The following CNTNAP2 variants were observed in gnomAD, a reference collection of about 807,000 sequenced individuals.
CNTNAP2 encodes the protein contactin-associated protein-like 2.
A neutral mutation model predicts 155.2 loss-of-function variants in CNTNAP2; 98 were observed. The ratio of observed to expected loss-of-function variants is 0.63; its 90% CI spans 0.54 to 0.75. The LOEUF (loss-of-function observed/expected upper bound fraction) is 0.75, where lower values mean the gene tolerates loss of function less well. Ranked by LOEUF, CNTNAP2 falls within the 30% of genes least tolerant of loss-of-function variation. The probability of loss-of-function intolerance (pLI) is 0.00; values close to 1 mark genes in which losing one functional copy is unlikely to be tolerated. For missense variants in CNTNAP2, 1,727 were observed against 1,688.1 expected (o/e 1.02, Z -0.40); for synonymous variants, 651 against 631.2 (o/e 1.03, Z -0.47).
intron 15 of CNTNAP2, among the ~76,000 whole-genome samples, chr7:148,012,891 G>A (rs1446066920): frequency 6.6e-6 from 1 of 152,172 alleles, no homozygotes; most frequent in African/African-American, 2.4e-5. Context: ...TGTAGGAAAT[G>A]TTGGTGGAGG....
At chr7:147,258,996 G>A (rs2116679640) in intron 8 of CNTNAP2, among the ~76,000 whole-genome samples, 1 of 152,332 alleles carries the variant, frequency 6.6e-6, no homozygotes, top group East Asian at 1.9e-4. Flanking sequence ...TAAAGCAGAT[G>A]GAAGTATGGG....
chr7:147,972,762 C>T (rs1252830686), intron 14 of CNTNAP2, among the ~76,000 whole-genome samples: 2 of 152,054 alleles, frequency 1.3e-5, no homozygotes, highest in Non-Finnish European at 2.9e-5. Context: ...CTGAATATCT[C>T]CCTAAATTAG....
At chr7:147,591,037 C>T (rs1800726377) in intron 12 of CNTNAP2, among the ~76,000 whole-genome samples, 1 of 152,172 alleles carries the variant, frequency 6.6e-6, no homozygotes, top group South Asian at 2.1e-4. Flanking sequence ...CTACTACAGC[C>T]TTGGATTTCC....
intron 10 of CNTNAP2, among the ~76,000 whole-genome samples, chr7:147,475,479 T>A (rs1263983164): frequency 6.6e-6 from 1 of 152,140 alleles, no homozygotes; most frequent in Non-Finnish European, 1.5e-5. Context: ...TTCTGTGAAC[T>A]GCCCTGTTCA....
chr7:147,237,382 C>T (rs1356140185), intron 8 of CNTNAP2, among the ~76,000 whole-genome samples: 3 of 152,110 alleles, frequency 2.0e-5, no homozygotes, highest in Non-Finnish European at 4.4e-5. Context: ...CTAGCCTTCA[C>T]CTCTTGAATT....
chr7:147,522,188 C>G (rs542464833), intron 11 of CNTNAP2, among the ~76,000 whole-genome samples: 432 of 152,294 alleles, frequency 2.8e-3, no homozygotes, highest in African/African-American at 0.01. Flanking sequence ...CTAATCACCT[C>G]CCACAGTTCC....
intron 9 of CNTNAP2, among the ~76,000 whole-genome samples, chr7:147,394,723 T>C (rs927173538): frequency 6.6e-6 from 1 of 151,896 alleles, no homozygotes; most frequent in Non-Finnish European, 1.5e-5. Context: ...GGTGGTGATC[T>C]CTTAAAGTTA....
intron 4 of CNTNAP2, among the ~76,000 whole-genome samples, chr7:147,073,538 A>T (rs916315558): frequency 1.3e-5 from 2 of 152,196 alleles, no homozygotes; most frequent in Admixed American, 6.5e-5. Context: ...TTTGGATGAG[A>T]TCACCTAAGG....
chr7:148,182,526 C>T (rs1228063018), intron 18 of CNTNAP2, among the ~76,000 whole-genome samples: 1 of 152,194 alleles, frequency 6.6e-6, no homozygotes, highest in Non-Finnish European at 1.5e-5. Context: ...TCATTCCAGG[C>T]ATTCCTTGGC....
intron 1 of CNTNAP2, among the ~76,000 whole-genome samples, chr7:146,702,102 A>G (rs1800887617): frequency 6.6e-6 from 1 of 152,184 alleles, no homozygotes; most frequent in Admixed American, 6.6e-5. Context: ...AGATGTTTCT[A>G]TTTGACATCA....
chr7:146,445,883 A>G (rs1796395185), intron 1 of CNTNAP2, among the ~76,000 whole-genome samples: 3 of 152,174 alleles, frequency 2.0e-5, no homozygotes, highest in African/African-American at 2.4e-5. Flanking sequence ...TTTGTTTTAA[A>G]TAGAATTCTA....
chr7:146,494,071 C>T (rs865894909), intron 1 of CNTNAP2, among the ~76,000 whole-genome samples: 2 of 152,134 alleles, frequency 1.3e-5, no homozygotes, highest in South Asian at 2.1e-4. Context: ...CAGTGGCTCA[C>T]GCCTGTAATG....
At chr7:146,172,032 A>ATTTT (rs61619996) in intron 1 of CNTNAP2, among the ~76,000 whole-genome samples, 116 of 67,552 alleles carry the variant, frequency 1.7e-3, no homozygotes, top group South Asian at 3.0e-3. Flanking sequence ...TGCTCTTAGT[A>ATTTT]TTTTTTTTTT....
chr7:147,362,128 T>C (rs1796157696), intron 9 of CNTNAP2, among the ~76,000 whole-genome samples: 2 of 152,044 alleles, frequency 1.3e-5, no homozygotes, highest in African/African-American at 2.4e-5. Context: ...AGTAAAGGAG[T>C]AAGCTTTGTT....
At chr7:147,575,056 C>T (rs1800361305) in intron 12 of CNTNAP2, among the ~76,000 whole-genome samples, 1 of 151,706 alleles carries the variant, frequency 6.6e-6, no homozygotes, top group Admixed American at 6.6e-5. Flanking sequence ...TTTCCATCCT[C>T]CAAAATTGTA....
At chr7:147,650,777 C>G (rs537316097) in intron 13 of CNTNAP2, among the ~76,000 whole-genome samples, 204 of 151,912 alleles carry the variant, frequency 1.3e-3, no homozygotes, top group Middle Eastern at 0.01. Context: ...TGCCCCAACC[C>G]CTGAGTTGTT....
chr7:148,146,217 C>T (rs1439973169), intron 16 of CNTNAP2, among the ~76,000 whole-genome samples: 1 of 152,184 alleles, frequency 6.6e-6, no homozygotes, highest in African/African-American at 2.4e-5. Flanking sequence ...AGGTGGAAAG[C>T]TTATTGATGG....
At chr7:148,400,329 G>C (rs1000426994) in intron 22 of CNTNAP2, among the ~76,000 whole-genome samples, 1 of 152,152 alleles carries the variant, frequency 6.6e-6, no homozygotes, top group African/African-American at 2.4e-5. Flanking sequence ...CCTTCAGACC[G>C]GGGTTTAAAT....
At chr7:148,076,062 A>G (rs1203752204) in intron 15 of CNTNAP2, among the ~76,000 whole-genome samples, 1 of 152,230 alleles carries the variant, frequency 6.6e-6, no homozygotes, top group Non-Finnish European at 1.5e-5. Context: ...TAAATGATAA[A>G]TCACATAATC....
Sources: allele counts gnomAD v4.1 joint callset (sites outside exome capture counted in the v4.1 genomes callset), GRCh38; gene constraint gnomAD v4.1.1; transcripts MANE v1.5; gene names NCBI Gene and HGNC (gene_info 2026-07-23, HGNC 2026-07-21).